The following ROBO1 variants were observed in gnomAD, a reference collection of about 807,000 sequenced individuals.
The protein encoded by ROBO1 is roundabout homolog 1.
Under a neutral mutation model 195.9 loss-of-function variants are expected in ROBO1, and 149 were observed. The observed-to-expected ratio is 0.76, with a 90% CI of 0.67 to 0.87. The LOEUF (loss-of-function observed/expected upper bound fraction) is 0.87. ROBO1 is among the 40% of genes least tolerant of loss of function. ROBO1 has a pLI of 0.00. For synonymous variants in ROBO1, 816 were observed against 733.2 expected (o/e 1.11, Z -1.82); for missense variants, 1,933 against 2,068.3 (o/e 0.93, Z 1.27).
At chr3:78,903,326 A>G (rs2037698837) in intron 4 of ROBO1, among the ~76,000 whole-genome samples, 1 of 152,048 alleles carries the variant, frequency 6.6e-6, no homozygotes, top group African/African-American at 2.4e-5. Flanking sequence ...TACTTTTTCC[A>G]TAATTTGTCT....
At chr3:78,795,054 T>A (rs2084142127) in intron 4 of ROBO1, among the ~76,000 whole-genome samples, 1 of 152,198 alleles carries the variant, frequency 6.6e-6, no homozygotes, top group Non-Finnish European at 1.5e-5. Context: ...AATTATGTCA[T>A]GTGTTCAAGT....
At chr3:78,960,839 G>T (rs2041306698) in intron 3 of ROBO1, among the ~76,000 whole-genome samples, 1 of 136,140 alleles carries the variant, frequency 7.3e-6, no homozygotes, top group African/African-American at 2.7e-5. Context: ...CACACAAAAT[G>T]AAAATGGTAC....
At chr3:79,007,771 G>A (rs1037151252) in intron 3 of ROBO1, among the ~76,000 whole-genome samples, 1 of 152,052 alleles carries the variant, frequency 6.6e-6, no homozygotes, top group African/African-American at 2.4e-5. Flanking sequence ...CTAAATATAA[G>A]CTCACTCAGA....
intron 2 of ROBO1, among the ~76,000 whole-genome samples, chr3:79,508,276 A>C (rs1192165340): frequency 6.6e-6 from 1 of 152,104 alleles, no homozygotes; most frequent in Non-Finnish European, 1.5e-5. Context: ...AAAGAAGAGG[A>C]GATTAGGACA....
chr3:79,524,950 T>A (rs536457065), intron 2 of ROBO1, among the ~76,000 whole-genome samples: 1 of 151,956 alleles, frequency 6.6e-6, no homozygotes, highest in Non-Finnish European at 1.5e-5. Context: ...GACATACATA[T>A]ACATATATAT....
intron 2 of ROBO1, among the ~76,000 whole-genome samples, chr3:79,415,960 G>A (rs2037982480): frequency 6.6e-6 from 1 of 152,016 alleles, no homozygotes. Flanking sequence ...GGAGATCAAG[G>A]ATGAAAAGAA....
At chr3:78,752,643 A>G (rs1024473738) in intron 4 of ROBO1, among the ~76,000 whole-genome samples, 15 of 152,170 alleles carry the variant, frequency 9.9e-5, no homozygotes, top group African/African-American at 3.4e-4. Flanking sequence ...TATTCCAACA[A>G]AAGGATAAAT....
chr3:79,025,891 G>C (rs779303313), intron 3 of ROBO1, among the ~76,000 whole-genome samples: 2 of 152,054 alleles, frequency 1.3e-5, no homozygotes, highest in Non-Finnish European at 2.9e-5. Context: ...TTTAGTTAGT[G>C]GTTGACTCGT....
At chr3:79,074,837 CA>C (rs2079144699) in intron 3 of ROBO1, among the ~76,000 whole-genome samples, 1 of 151,728 alleles carries the variant, frequency 6.6e-6, no homozygotes, top group African/African-American at 2.4e-5. Flanking sequence ...CTAAATACTA[CA>C]TAAATCTGTA....
chr3:78,664,040 G>A (rs1447529631), intron 14 of ROBO1, among the ~76,000 whole-genome samples: 2 of 152,048 alleles, frequency 1.3e-5, no homozygotes, highest in East Asian at 3.9e-4. Flanking sequence ...CTCCCACCTA[G>A]TACCCATGAC....
At chr3:79,653,785 G>C (rs889442354) in intron 1 of ROBO1, among the ~76,000 whole-genome samples, 12 of 151,876 alleles carry the variant, frequency 7.9e-5, no homozygotes, top group Non-Finnish European at 1.3e-4. Flanking sequence ...TTCTGCTAAT[G>C]TTGACGCAAA....
chr3:78,751,841 T>C (rs2082804242), intron 4 of ROBO1, among the ~76,000 whole-genome samples: 1 of 152,126 alleles, frequency 6.6e-6, no homozygotes. Context: ...GAAAAAGCTG[T>C]ATATTAAGAA....
chr3:79,548,169 C>T (rs1430054399), intron 2 of ROBO1, among the ~76,000 whole-genome samples: 1 of 152,160 alleles, frequency 6.6e-6, no homozygotes, highest in Non-Finnish European at 1.5e-5. Context: ...AGGTAACTTC[C>T]TCACCCAAGG....
intron 22 of ROBO1, among the ~76,000 whole-genome samples, chr3:78,638,300 C>T (rs1705682287): frequency 6.8e-6 from 1 of 147,056 alleles, no homozygotes; most frequent in Non-Finnish European, 1.5e-5. Context: ...GGTGTATATA[C>T]ATACATATAT....
intron 3 of ROBO1, among the ~76,000 whole-genome samples, chr3:79,113,897 G>A (rs2079940270): frequency 6.6e-6 from 1 of 152,076 alleles, no homozygotes; most frequent in Non-Finnish European, 1.5e-5. Context: ...AACTTATATG[G>A]TTTGGCTGCG....
intron 2 of ROBO1, among the ~76,000 whole-genome samples, chr3:79,188,360 T>C (rs552825717): frequency 1.3e-5 from 2 of 151,870 alleles, no homozygotes; most frequent in African/African-American, 4.8e-5. Flanking sequence ...GGGCACAGGA[T>C]ACTTTTTTAT....
At chr3:79,076,682 G>T (rs1236432553) in intron 3 of ROBO1, among the ~76,000 whole-genome samples, 2 of 151,686 alleles carry the variant, frequency 1.3e-5, no homozygotes, top group Admixed American at 1.3e-4. Context: ...GAGTCAAATG[G>T]TAGAATTTCT....
At chr3:79,297,209 A>C (rs2032642121) in intron 2 of ROBO1, among the ~76,000 whole-genome samples, 1 of 152,168 alleles carries the variant, frequency 6.6e-6, no homozygotes, top group African/African-American at 2.4e-5. Flanking sequence ...CATTCAAAAT[A>C]AACTGTTGGA....
At chr3:79,567,986 T>A (rs551862381) in intron 2 of ROBO1, among the ~76,000 whole-genome samples, 89 of 152,270 alleles carry the variant, frequency 5.8e-4, no homozygotes, top group African/African-American at 2.0e-3. Context: ...CTAAATTAAG[T>A]GGCCCATGAC....
Sources: allele counts gnomAD v4.1 joint callset (sites outside exome capture counted in the v4.1 genomes callset), GRCh38; gene constraint gnomAD v4.1.1; transcripts MANE v1.5; gene names NCBI Gene and HGNC (gene_info 2026-07-23, HGNC 2026-07-21).